Variants in MTMR10 observed in about 807,000 individuals in gnomAD.
The protein encoded by MTMR10 is myotubularin-related protein 10.
MTMR10 carries 56 observed loss-of-function variants against 88.1 expected under a neutral mutation model. The ratio of observed to expected loss-of-function variants is 0.64; its 90% CI spans 0.51 to 0.79. The LOEUF (loss-of-function observed/expected upper bound fraction) is 0.79. Among genes scored for constraint, MTMR10 ranks in the 30% least tolerant of loss-of-function variants. MTMR10 has a pLI of 0.00. For synonymous variants in MTMR10, 380 were observed against 340.9 expected, an observed-to-expected ratio of 1.11 and a Z score of -1.26; for missense variants, 883 against 924.7, an observed-to-expected ratio of 0.95 and a Z score of 0.58.
At position 30,982,656 on chromosome 15, in the gene MTMR10, G is replaced by C. The variant is rs189578647; in HGVS notation, c.122-5701C>G. On this transcript the variant is annotated intron_variant, in intron 2 of 15. Transcript: ENST00000435680. ...GAAGAAAGAAAAGAAGGGCACTTCT[G>C]AGGATATGCTACAATTGGGTCTTCC... Among the ~76,000 whole-genome samples, 178 of 152,322 alleles carry C rather than the reference G, an allele frequency of 1.2e-3. 1 individual carries two copies. Among genetic ancestry groups the C allele is most frequent in the African/African-American group, 4.2e-3 (173 of 41,572 alleles).
intron 12 of MTMR10, chr15:30,948,797 G>C: frequency 2.9e-6 from 1 of 348,206 alleles, no homozygotes; most frequent in Non-Finnish European, 5.2e-6. Flanking sequence ...AAGGTATTAA[G>C]TATAAGGTAA....
chr15:30,930,479 C>G, the MTMR10 span: 1 of 1,536,292 alleles, frequency 6.5e-7, no homozygotes, highest in Non-Finnish European at 8.7e-7. Flanking sequence ...CTCGTGATCC[C>G]TGGAGCCTAT....
chr15:30,951,886 G>T, intron 12 of MTMR10, 82 bp downstream of exon 12: 2 of 1,179,718 alleles, frequency 1.7e-6, no homozygotes, highest in South Asian at 1.2e-5. Context: ...AAACTGATGT[G>T]ATTTACTTGA....
In MTMR10 at chr15:30,973,353, C is replaced by A. The variant is rs551662599; in HGVS notation, c.474+961G>T. On this transcript the variant is annotated intron_variant, in intron 5 of 15. Coordinates refer to ENST00000435680, the MANE Select transcript of MTMR10 (RefSeq NM_017762.3). ...CAGATGTATTTTCATATATTCATCT[C>A]CTGCTTGCCTTCCTGTGAAGAAACT... Among the ~76,000 whole-genome samples, 39 of 152,096 alleles carry A rather than the reference C, an allele frequency of 2.6e-4. No individual in the cohort carries two copies. In the South Asian group the frequency reaches 7.5e-3, roughly 29 times the overall value.
Position 30,940,213 on chromosome 15 carries a change from G to GT in MTMR10, c.*1256dup. The GT allele has an allele frequency of 2.0e-6, 2 of 985,264 alleles. No individual in the cohort carries two copies. The highest frequency in any genetic ancestry group is 5.2e-4 in the Middle Eastern group (1 of 1,914). 61.0% of individuals were successfully genotyped at this position (985,264 alleles called of 1,614,324 possible). A position where few individuals can be genotyped will look rare whatever the true frequency, so the allele number is the denominator to read the frequency against. On this transcript the variant is annotated 3_prime_UTR_variant, in exon 16 of 16. Transcript: ENST00000435680. ...GGAGGTGGTGCCCCGTTTCACTGCT[G>GT]TAAGAAGCTTCAGCTTTGACCGCTA...
intron 5 of MTMR10, among the ~76,000 whole-genome samples, chr15:30,973,674 C>T (rs747465933): frequency 6.6e-6 from 1 of 152,064 alleles, no homozygotes; most frequent in Non-Finnish European, 1.5e-5. Context: ...CAGACTGGAA[C>T]GGGGGCCATA....
chr15:30,938,320 TAAG>T (rs1189080384), downstream of MTMR10, among the ~76,000 whole-genome samples: 2 of 152,210 alleles, frequency 1.3e-5, no homozygotes, highest in African/African-American at 2.4e-5. Flanking sequence ...TATGATTATC[TAAG>T]AAGGGCTGAA....
the MTMR10 span, among the ~76,000 whole-genome samples, chr15:30,921,103 C>A: frequency 1.3e-5 from 2 of 152,146 alleles, no homozygotes; most frequent in African/African-American, 4.8e-5. Flanking sequence ...CTGTGCCTGG[C>A]CAACGAGGGC....
chr15:30,976,625 TCTCA>T (rs747766930), intron 3 of MTMR10, among the ~76,000 whole-genome samples, 190 bp downstream of exon 3: 1 of 152,238 alleles, frequency 6.6e-6, no homozygotes, highest in African/African-American at 2.4e-5. Context: ...CTTACAATCC[TCTCA>T]CTAATACTCC....
chr15:30,920,907 C>A, the MTMR10 span, among the ~76,000 whole-genome samples: 1 of 152,346 alleles, frequency 6.6e-6, no homozygotes, highest in African/African-American at 2.4e-5. Flanking sequence ...CCTCAGCCTC[C>A]TGAGTAGCTG....
intron 12 of MTMR10, chr15:30,948,696 C>T: frequency 1.8e-6 from 1 of 567,248 alleles, no homozygotes; most frequent in Non-Finnish European, 3.1e-6. Flanking sequence ...GGATATTTGC[C>T]AGATAATAGA....
the MTMR10 span, among the ~76,000 whole-genome samples, chr15:30,919,692 GAAAAAA>G: frequency 1.5e-4 from 20 of 129,376 alleles, no homozygotes; most frequent in Middle Eastern, 7.9e-3. Context: ...CTGTCTCGGG[GAAAAAA>G]AAAAAAAAAA....
intron 14 of MTMR10, chr15:30,946,524 A>G: frequency 5.4e-6 from 3 of 551,278 alleles, no homozygotes; most frequent in Middle Eastern, 3.0e-4. Context: ...TATGAGGGCA[A>G]TCCTCTTCCT....
intron 2 of MTMR10, among the ~76,000 whole-genome samples, chr15:30,989,009 TA>T: frequency 6.7e-6 from 1 of 149,258 alleles, no homozygotes; most frequent in Non-Finnish European, 1.5e-5. Flanking sequence ...AAAAAAAATT[TA>T]AAAAAAATTT....
chr15:30,966,602 C>T (rs898763083), intron 6 of MTMR10, among the ~76,000 whole-genome samples: 3 of 152,108 alleles, frequency 2.0e-5, no homozygotes, highest in African/African-American at 7.2e-5. Context: ...TGTAGCTTGA[C>T]GATGATCCCA....
intron 2 of MTMR10, among the ~76,000 whole-genome samples, chr15:30,983,326 C>T (rs1303690018): frequency 2.0e-5 from 3 of 152,326 alleles, no homozygotes; most frequent in Non-Finnish European, 4.4e-5. Context: ...AAGGTTTCTA[C>T]TAACACCTGG....
In MTMR10 at chr15:30,945,410, A is replaced by G. The variant is rs115320288; in HGVS notation, c.1548+1720T>C. ...CATTCCTGGTGAGAAGTCTGTCCGC[A>G]CACACAGCATCAGCCAAGCAGCAGA... On this transcript the variant is annotated intron_variant, in intron 14 of 15. Coordinates refer to ENST00000435680, the MANE Select transcript of MTMR10 (RefSeq NM_017762.3). Among the ~76,000 whole-genome samples, 754 of 152,280 alleles carry G rather than the reference A, an allele frequency of 5.0e-3. 6 individuals carry two copies. The highest frequency in any genetic ancestry group is 0.017 in the African/African-American group (719 of 41,540).
chr15:30,980,081 A>G (rs1159795001), intron 2 of MTMR10, among the ~76,000 whole-genome samples: 1 of 152,244 alleles, frequency 6.6e-6, no homozygotes, highest in Non-Finnish European at 1.5e-5. Flanking sequence ...CTGAAGCGAC[A>G]ACTCTTAAAA....
Position 30,967,986 on chromosome 15 carries a change from A to G in MTMR10, c.499T>C (p.Ser167Pro). 1 of 1,572,938 alleles carries G rather than the reference A, an allele frequency of 6.4e-7. No individual in the cohort carries two copies. Among genetic ancestry groups the G allele is most frequent in the South Asian group, 1.2e-5 (1 of 85,338 alleles). Residue 167 changes from serine to proline, a missense_variant, in exon 6 of 16, where the codon TCC (serine) becomes CCC (proline). Coordinates refer to ENST00000435680, the MANE Select transcript of MTMR10 (RefSeq NM_017762.3). Reference sequence around the variant, plus strand: ...AGTAGCTGGAGGTCTGTTGGCTGGGAATAATGAGCTATTGCAAGGCATACC... The same window carrying G: ...AGTAGCTGGAGGTCTGTTGGCTGGGGATAATGAGCTATTGCAAGGCATACC... The part of the protein sequence containing the change: ...KKVCLAIAHY[S>P]QPTDLQLLFA...
Sources: allele counts gnomAD v4.1 joint callset (sites outside exome capture counted in the v4.1 genomes callset), GRCh38; gene constraint gnomAD v4.1.1; transcripts MANE v1.5; gene names NCBI Gene and HGNC (gene_info 2026-07-23, HGNC 2026-07-21).